TAFA5: variants seen among roughly 807,000 people sequenced by gnomAD.
TAFA5 encodes the protein chemokine-like protein TAFA-5.
Under a neutral mutation model 15.3 loss-of-function variants are expected in TAFA5, and 6 were observed. That is an observed-to-expected ratio of 0.39 (90% confidence interval 0.21 to 0.77). TAFA5 has a LOEUF of 0.77. TAFA5 is among the 30% of genes least tolerant of loss of function. The pLI is 0.41. For missense variants in TAFA5, 161 were observed against 193.1 expected (o/e 0.83, Z 0.98); for synonymous variants, 103 against 80.7 (o/e 1.28, Z -1.48).
At chr22:48,523,622 C>T (rs1051919209) in intron 1 of TAFA5, among the ~76,000 whole-genome samples, 1 of 152,202 alleles carries the variant, frequency 6.6e-6, no homozygotes, top group Non-Finnish European at 1.5e-5. Flanking sequence ...GCCAGATCAG[C>T]CGCCTGGACT....
intron 2 of TAFA5, among the ~76,000 whole-genome samples, chr22:48,687,298 G>A (rs1255816969): frequency 6.6e-6 from 1 of 151,418 alleles, no homozygotes; most frequent in Non-Finnish European, 1.5e-5. Flanking sequence ...ATGGATGGGT[G>A]GATGGGTGGG....
chr22:48,542,215 T>A (rs1167247003), intron 1 of TAFA5, among the ~76,000 whole-genome samples: 1 of 140,666 alleles, frequency 7.1e-6, no homozygotes, highest in Non-Finnish European at 1.5e-5. Context: ...ATGTACATGA[T>A]GTGTGGTGTG....
intron 1 of TAFA5, among the ~76,000 whole-genome samples, chr22:48,608,777 C>T (rs571747008): frequency 4.6e-5 from 7 of 152,328 alleles, no homozygotes; most frequent in South Asian, 2.1e-4. Context: ...TGGCCTTTGT[C>T]TGCTTGAAGC....
At chr22:48,575,118 C>A (rs1391485820) in intron 1 of TAFA5, among the ~76,000 whole-genome samples, 1 of 152,108 alleles carries the variant, frequency 6.6e-6, no homozygotes, top group African/African-American at 2.4e-5. Flanking sequence ...TGGGGCGGTA[C>A]CTGGGCCTGG....
At chr22:48,743,644 G>A (rs953700914) in intron 3 of TAFA5, among the ~76,000 whole-genome samples, 2 of 152,172 alleles carry the variant, frequency 1.3e-5, no homozygotes, top group South Asian at 2.1e-4. Context: ...GGCGTACCAC[G>A]GCCAGGAGCG....
At chr22:48,564,083 C>T (rs184352608) in intron 1 of TAFA5, among the ~76,000 whole-genome samples, 96 of 152,352 alleles carry the variant, frequency 6.3e-4, no homozygotes, top group Middle Eastern at 3.4e-3. Context: ...GAAGTGAGGA[C>T]GTGGAGCGGG....
chr22:48,540,192 C>T (rs1195791025), intron 1 of TAFA5, among the ~76,000 whole-genome samples: 1 of 152,150 alleles, frequency 6.6e-6, no homozygotes, highest in Non-Finnish European at 1.5e-5. Flanking sequence ...AGGTTAGACC[C>T]GTGTAGGTCA....
intron 2 of TAFA5, among the ~76,000 whole-genome samples, chr22:48,684,178 C>G (rs1055627709): frequency 6.6e-6 from 1 of 152,044 alleles, no homozygotes; most frequent in Non-Finnish European, 1.5e-5. Context: ...AGTGAGCGTT[C>G]GGAAGCAGAA....
intron 1 of TAFA5, among the ~76,000 whole-genome samples, chr22:48,624,608 C>T (rs1367999970): frequency 6.6e-6 from 1 of 152,176 alleles, no homozygotes; most frequent in Non-Finnish European, 1.5e-5. Context: ...GGTATGTTAG[C>T]TCTGGCCATG....
chr22:48,489,768 C>T lies in TAFA5; in HGVS notation c.112+64C>T. 2 of 1,050,198 alleles carry T rather than the reference C, an allele frequency of 1.9e-6. No individual in the cohort carries two copies. Among genetic ancestry groups the T allele is most frequent in the Non-Finnish European group, 2.5e-6 (2 of 794,554 alleles). 65.1% of individuals were successfully genotyped at this position (1,050,198 alleles called of 1,614,324 possible). A position where few individuals can be genotyped will look rare whatever the true frequency, so the allele number is the denominator to read the frequency against. ...GGGCCCCGGACCCCCTCCTCCGGCC[C>T]CGGCAGGCGCCCCGCGGGCCTCCCG... On this transcript the variant is annotated intron_variant, in intron 1 of 3. Coordinates refer to ENST00000402357, the MANE Select transcript of TAFA5 (RefSeq NM_001082967.3). The surrounding 1 kb of genome is among the most constrained non-coding windows in gnomAD (Gnocchi z 5.5).
At chr22:48,590,029 C>T (rs1006466787) in intron 1 of TAFA5, among the ~76,000 whole-genome samples, 2 of 151,920 alleles carry the variant, frequency 1.3e-5, no homozygotes, top group African/African-American at 4.8e-5. Context: ...CACATGCACG[C>T]GTGCTTGGGG....
At chr22:48,640,560 T>A (rs1191650824) in intron 1 of TAFA5, among the ~76,000 whole-genome samples, 2 of 147,036 alleles carry the variant, frequency 1.4e-5, no homozygotes, top group African/African-American at 5.4e-5. Context: ...AGGGCAGGGC[T>A]GGGCTGGGCT....
chr22:48,587,294 C>T (rs375469011), intron 1 of TAFA5, among the ~76,000 whole-genome samples: 3 of 152,136 alleles, frequency 2.0e-5, no homozygotes, highest in African/African-American at 4.8e-5. Flanking sequence ...TCACGGGCCT[C>T]GGGGTGGGCA....
intron 1 of TAFA5, among the ~76,000 whole-genome samples, chr22:48,547,647 A>G (rs1320797407): frequency 6.6e-6 from 1 of 152,156 alleles, no homozygotes; most frequent in Non-Finnish European, 1.5e-5. Context: ...CTTTAGGGAC[A>G]TTATCTGATT....
At chr22:48,667,774 CT>C (rs1214085070) in intron 2 of TAFA5, among the ~76,000 whole-genome samples, 20 of 89,416 alleles carry the variant, frequency 2.2e-4, no homozygotes, top group South Asian at 4.1e-4. Context: ...TCACTGGGAG[CT>C]GTAATCCCCC....
In TAFA5 at chr22:48,604,709, A is replaced by AT. The variant is rs35805630; in HGVS notation, c.113-41880dup. ...CTTCTGGTGTAGCTGCAGCCCATAG[A>AT]TTTTTTTTCCATCCTTCCACTCTTA... is the stretch of plus-strand genomic sequence containing the variant. On this transcript the variant is annotated intron_variant, in intron 1 of 3. Transcript: ENST00000402357. Among the ~76,000 whole-genome samples, 789 of 151,908 alleles carry AT rather than the reference A, an allele frequency of 5.2e-3. 7 individuals are homozygous for AT. The highest frequency in any genetic ancestry group is 0.017 in the African/African-American group (723 of 41,416).
intron 2 of TAFA5, among the ~76,000 whole-genome samples, chr22:48,647,368 A>G (rs1489676612): frequency 2.0e-5 from 3 of 152,082 alleles, no homozygotes; most frequent in East Asian, 1.9e-4. Context: ...GGCACCTGCT[A>G]TGAGGTGACA....
chr22:48,633,331 T>C (rs1419457550), intron 1 of TAFA5, among the ~76,000 whole-genome samples: 1 of 152,164 alleles, frequency 6.6e-6, no homozygotes, highest in Admixed American at 6.5e-5. Context: ...TGCACAGATA[T>C]TCCTGAATGT....
intron 1 of TAFA5, among the ~76,000 whole-genome samples, chr22:48,508,140 C>T (rs1209371322): frequency 6.6e-6 from 1 of 152,188 alleles, no homozygotes; most frequent in Non-Finnish European, 1.5e-5. Flanking sequence ...GCGTGGGCCA[C>T]TGTTTCTCTC....
Sources: gnomAD v4.1 joint callset for allele counts (sites outside exome capture counted in the v4.1 genomes callset) on GRCh38, gnomAD v4.1.1 for gene constraint, Gnocchi (gnomAD v3.1) non-coding constraint, MANE v1.5 for transcripts, NCBI Gene and HGNC (gene_info 2026-07-23, HGNC 2026-07-21) for gene names.